HECW1: variants seen among roughly 807,000 people sequenced by gnomAD.
The protein encoded by HECW1 is E3 ubiquitin-protein ligase HECW1.
HECW1 carries 61 observed loss-of-function variants against 182.3 expected under a neutral mutation model. That is an observed-to-expected ratio of 0.33 (90% confidence interval 0.27 to 0.41). The LOEUF is 0.41. Ranked by LOEUF, HECW1 falls within the 10% of genes least tolerant of loss-of-function variation. The probability of loss-of-function intolerance (pLI) is 1.00; values close to 1 mark genes in which losing one functional copy is unlikely to be tolerated. For missense variants in HECW1, 1,739 were observed against 2,108.9 expected, an observed-to-expected ratio of 0.82 and a Z score of 3.44; for synonymous variants, 859 against 832.6, an observed-to-expected ratio of 1.03 and a Z score of -0.55.
At chr7:43,556,795 T>G (rs2082042338) in intron 29 of HECW1, among the ~76,000 whole-genome samples, 1 of 152,182 alleles carries the variant, frequency 6.6e-6, no homozygotes, top group Non-Finnish European at 1.5e-5. Flanking sequence ...GGTCACAGAT[T>G]GAATGTAATT....
intron 4 of HECW1, among the ~76,000 whole-genome samples, chr7:43,315,906 A>G (rs1453150840): frequency 6.6e-6 from 1 of 152,134 alleles, no homozygotes; most frequent in Non-Finnish European, 1.5e-5. Context: ...AATGGAAGCC[A>G]TATCTTTTTT....
chr7:43,243,884 C>G lies in HECW1; in HGVS notation c.-22C>G, dbSNP rs542203539. ...TTGGACTTTTCCCCAGGAATTGATG[C>G]GCGTACACGTGGTGGGTCATTATGC... On this transcript the variant is annotated 5_prime_UTR_variant, in exon 3 of 30. Transcript: ENST00000395891. This position sits in a 1 kb window ranked among gnomAD's most constrained non-coding sequence, Gnocchi z 4.0. The G allele has an allele frequency of 6.2e-7, 1 of 1,612,496 alleles. No homozygotes were observed. The highest frequency in any genetic ancestry group is 1.7e-5 in the Admixed American group (1 of 59,994).
intron 8 of HECW1, among the ~76,000 whole-genome samples, chr7:43,433,675 C>A (rs981535787): frequency 6.6e-5 from 10 of 152,224 alleles, no homozygotes; most frequent in African/African-American, 2.4e-4. Flanking sequence ...CCTGACAGTT[C>A]AGTCCTAAAG....
chr7:43,287,143 T>A (rs1037747446), intron 3 of HECW1, among the ~76,000 whole-genome samples: 3 of 152,096 alleles, frequency 2.0e-5, no homozygotes, highest in Non-Finnish European at 4.4e-5. Context: ...GAGTGTATGT[T>A]TGTTTTCAGT....
chr7:43,330,181 C>A (rs1268584758), intron 5 of HECW1, among the ~76,000 whole-genome samples: 2 of 152,178 alleles, frequency 1.3e-5, no homozygotes, highest in Non-Finnish European at 2.9e-5. Flanking sequence ...AACTAAAGTA[C>A]CAACTTCCAG....
chr7:43,456,733 C>G (rs562666497), intron 13 of HECW1, among the ~76,000 whole-genome samples: 3 of 152,226 alleles, frequency 2.0e-5, no homozygotes, highest in Non-Finnish European at 4.4e-5. Context: ...AGTGTATGCC[C>G]CTCTCCTGCG....
At chr7:43,548,166 T>G (rs927401322) in intron 26 of HECW1, among the ~76,000 whole-genome samples, 28 of 152,248 alleles carry the variant, frequency 1.8e-4, no homozygotes, top group Admixed American at 3.3e-4. Flanking sequence ...TAATAATAGA[T>G]TTGTGTACAT....
At chr7:43,189,020 C>T (rs991095218) in intron 2 of HECW1, among the ~76,000 whole-genome samples, 3 of 152,172 alleles carry the variant, frequency 2.0e-5, no homozygotes, top group African/African-American at 4.8e-5. Flanking sequence ...CAGGGTGAGG[C>T]GCACTCGGCT....
chr7:43,363,573 C>T (rs1032314076), intron 6 of HECW1, among the ~76,000 whole-genome samples: 2 of 152,220 alleles, frequency 1.3e-5, no homozygotes, highest in African/African-American at 4.8e-5. Context: ...CATAGCCCCT[C>T]TGCCACCAGG....
intron 5 of HECW1, among the ~76,000 whole-genome samples, chr7:43,324,189 A>T (rs1480081422): frequency 6.6e-6 from 1 of 152,240 alleles, no homozygotes; most frequent in Non-Finnish European, 1.5e-5. Flanking sequence ...GTGTTTTGGG[A>T]ATATCAATGA....
intron 8 of HECW1, among the ~76,000 whole-genome samples, chr7:43,408,485 C>A (rs1338487571): frequency 1.3e-5 from 2 of 151,296 alleles, no homozygotes; most frequent in Non-Finnish European, 2.9e-5. Flanking sequence ...AAGTTCAAGA[C>A]CAGCCTGGGC....
chr7:43,306,021 A>C (rs928434865), intron 3 of HECW1, among the ~76,000 whole-genome samples: 1 of 152,006 alleles, frequency 6.6e-6, no homozygotes, highest in East Asian at 1.9e-4. Flanking sequence ...CAGCCTCCCA[A>C]AGTGCCAGCA....
At chr7:43,329,656 C>A (rs919986615) in intron 5 of HECW1, among the ~76,000 whole-genome samples, 2 of 152,210 alleles carry the variant, frequency 1.3e-5, no homozygotes, top group East Asian at 3.9e-4. Context: ...ATTGAAGACA[C>A]CAAGTTCAGG....
chr7:43,466,625 C>A, intron 15 of HECW1, 57 bp downstream of exon 15: 1 of 1,568,456 alleles, frequency 6.4e-7, no homozygotes, highest in Non-Finnish European at 8.6e-7. Flanking sequence ...CAAAACACAG[C>A]TTTGTAAAGT....
At chr7:43,327,624 T>C (rs1188879020) in intron 5 of HECW1, among the ~76,000 whole-genome samples, 1 of 152,190 alleles carries the variant, frequency 6.6e-6, no homozygotes. Flanking sequence ...CCCTTCGTTA[T>C]TTCCTTCCAG....
chr7:43,332,292 G>A (rs747172522), intron 5 of HECW1, among the ~76,000 whole-genome samples: 5 of 152,062 alleles, frequency 3.3e-5, no homozygotes, highest in African/African-American at 7.2e-5. Flanking sequence ...ACAGACACAC[G>A]GAGCTGGAAC....
At chr7:43,365,228 T>C (rs555744715) in intron 6 of HECW1, among the ~76,000 whole-genome samples, 110 of 152,208 alleles carry the variant, frequency 7.2e-4, no homozygotes, top group Non-Finnish European at 1.3e-3. Context: ...GTGAGCCAGG[T>C]AAGTGAGAGT....
At chr7:43,139,017 T>C (rs1262692935) in intron 2 of HECW1, among the ~76,000 whole-genome samples, 1 of 152,216 alleles carries the variant, frequency 6.6e-6, no homozygotes, top group Admixed American at 6.5e-5. Context: ...TAATAACATT[T>C]AGTATTTTAG....
chr7:43,552,300 C>T lies in HECW1; in HGVS notation c.4474C>T (p.Leu1492=). 3.1e-6 allele frequency: 5 copies of T among 1,613,766 alleles called. No individual in the cohort carries two copies. The highest frequency in any genetic ancestry group is 4.2e-6 in the Non-Finnish European group (5 of 1,179,718). The part of the protein sequence containing the change: ...LVIAGTAEID[L]NDWRNNTEYR... ...GATAGCTGGCACCGCGGAAATCGAC[C>T]TAAATGACTGGCGGAATAACACTGA... Residue 1492 remains leucine, a synonymous_variant, in exon 28 of 30, where the codon CTA becomes TTA. Transcript: ENST00000395891.
Sources: allele counts gnomAD v4.1 joint callset (sites outside exome capture counted in the v4.1 genomes callset), GRCh38; gene constraint gnomAD v4.1.1; non-coding constraint Gnocchi (gnomAD v3.1); transcripts MANE v1.5; gene names NCBI Gene and HGNC (gene_info 2026-07-23, HGNC 2026-07-21).